TMEM178B: variants seen among roughly 807,000 people sequenced by gnomAD.
TMEM178B encodes the protein transmembrane protein 178B.
A neutral mutation model predicts 31.0 loss-of-function variants in TMEM178B; 5 were observed. The observed-to-expected ratio is 0.16, with a 90% CI of 0.08 to 0.34. The LOEUF is 0.34. Ranked by LOEUF, TMEM178B falls within the 10% of genes least tolerant of loss-of-function variation. The pLI is 1.00. For synonymous variants in TMEM178B, 164 were observed against 164.0 expected (o/e 1.00, Z 0.00); for missense variants, 275 against 400.3 (o/e 0.69, Z 2.67).
At chr7:141,432,188 A>C (rs1415758826) in intron 2 of TMEM178B, among the ~76,000 whole-genome samples, 1 of 104,768 alleles carries the variant, frequency 9.5e-6, no homozygotes, top group Non-Finnish European at 1.7e-5. Context: ...ACGGAGTCTC[A>C]CTGTCGCCCA....
At chr7:141,215,459 G>A (rs1001633542) in intron 2 of TMEM178B, among the ~76,000 whole-genome samples, 5 of 151,930 alleles carry the variant, frequency 3.3e-5, no homozygotes, top group Non-Finnish European at 5.9e-5. Context: ...CTGAGTAGCT[G>A]GGACTACAGG....
chr7:141,384,562 T>C (rs904820137), intron 2 of TMEM178B, among the ~76,000 whole-genome samples: 86 of 152,350 alleles, frequency 5.6e-4, no homozygotes, highest in African/African-American at 2.1e-3. Context: ...TCTGTTCTGT[T>C]CCATTGGTCT....
At chr7:141,424,004 G>T (rs570864813) in intron 2 of TMEM178B, among the ~76,000 whole-genome samples, 2 of 149,958 alleles carry the variant, frequency 1.3e-5, no homozygotes, top group East Asian at 3.9e-4. Flanking sequence ...TTTTAGTAAA[G>T]ATGTGGTTTC....
At chr7:141,491,123 A>G in the TMEM178B span, among the ~76,000 whole-genome samples, 3 of 152,018 alleles carry the variant, frequency 2.0e-5, no homozygotes, top group African/African-American at 7.2e-5. Flanking sequence ...GACCTCCCCA[A>G]CTCAAGAAAT....
At chr7:141,319,730 G>C (rs1462751809) in intron 2 of TMEM178B, among the ~76,000 whole-genome samples, 1 of 152,120 alleles carries the variant, frequency 6.6e-6, no homozygotes, top group Non-Finnish European at 1.5e-5. Context: ...TAGAGACGGG[G>C]TTTCACCATG....
At chr7:141,138,809 T>C (rs1795718701) in intron 1 of TMEM178B, among the ~76,000 whole-genome samples, 1 of 151,450 alleles carries the variant, frequency 6.6e-6, no homozygotes, top group African/African-American at 2.4e-5. Context: ...GGTGAAACCC[T>C]GTCTCTACTA....
At chr7:141,168,677 G>A (rs1796299233) in intron 1 of TMEM178B, among the ~76,000 whole-genome samples, 1 of 152,044 alleles carries the variant, frequency 6.6e-6, no homozygotes, top group Non-Finnish European at 1.5e-5. Context: ...GGCTGAGGCA[G>A]GAGAATCGCT....
At chr7:141,193,379 A>T (rs1796728229) in intron 1 of TMEM178B, among the ~76,000 whole-genome samples, 1 of 152,224 alleles carries the variant, frequency 6.6e-6, no homozygotes, top group South Asian at 2.1e-4. Context: ...GCAAAACCTA[A>T]GGGACCCCTG....
intron 1 of TMEM178B, among the ~76,000 whole-genome samples, chr7:141,158,143 T>C (rs1796104878): frequency 6.6e-6 from 1 of 152,206 alleles, no homozygotes; most frequent in Non-Finnish European, 1.5e-5. Flanking sequence ...TTGCCCAGGC[T>C]GGAGTGCAGT....
intron 2 of TMEM178B, among the ~76,000 whole-genome samples, chr7:141,254,687 C>T (rs1266461518): frequency 6.6e-6 from 1 of 152,160 alleles, no homozygotes; most frequent in Non-Finnish European, 1.5e-5. Context: ...CGCCATTTCA[C>T]TCCAGCCTGG....
At chr7:141,259,587 C>T (rs2116357311) in intron 2 of TMEM178B, among the ~76,000 whole-genome samples, 1 of 152,244 alleles carries the variant, frequency 6.6e-6, no homozygotes, top group South Asian at 2.1e-4. Context: ...TGGGGATTGT[C>T]ACTGTTGCTT....
chr7:141,302,826 C>T (rs566129312), intron 2 of TMEM178B, among the ~76,000 whole-genome samples: 17 of 152,308 alleles, frequency 1.1e-4, no homozygotes, highest in African/African-American at 4.1e-4. Context: ...CTGACAGATG[C>T]CCAGCATTAC....
chr7:141,495,843 A>C, the TMEM178B span, among the ~76,000 whole-genome samples: 6 of 152,248 alleles, frequency 3.9e-5, no homozygotes. Context: ...GGAGACTAGC[A>C]GTTTCCAGAA....
chr7:141,129,142 T>C lies in TMEM178B; in HGVS notation c.382+54450T>C, dbSNP rs28472498. Among the ~76,000 whole-genome samples, 396 of 152,204 alleles carry C rather than the reference T, an allele frequency of 2.6e-3. 1 individual carries two copies. The highest frequency in any genetic ancestry group is 9.0e-3 in the African/African-American group (373 of 41,528). ...TCAGGGATGCCCTTGAGGGTACGGA[T>C]TGTGTTGTGATGTTCATTCGTGTGT... On this transcript the variant is annotated intron_variant, in intron 1 of 3. Transcript: ENST00000565468.
At chr7:141,487,928 C>A in the TMEM178B span, among the ~76,000 whole-genome samples, 1 of 151,972 alleles carries the variant, frequency 6.6e-6, no homozygotes, top group Non-Finnish European at 1.5e-5. Flanking sequence ...GGAGTTAGTT[C>A]TCTTAATCTT....
chr7:141,227,507 G>C (rs971906415), intron 2 of TMEM178B, among the ~76,000 whole-genome samples: 2 of 152,156 alleles, frequency 1.3e-5, no homozygotes, highest in African/African-American at 4.8e-5. Flanking sequence ...TATTATATCT[G>C]TTTGACAGAG....
intron 2 of TMEM178B, among the ~76,000 whole-genome samples, chr7:141,337,995 G>A (rs1296135886): frequency 6.6e-6 from 1 of 152,024 alleles, no homozygotes; most frequent in Admixed American, 6.6e-5. Context: ...CCGTCACCAC[G>A]CCCGGCTAAT....
chr7:141,340,687 A>G (rs530832908), intron 2 of TMEM178B, among the ~76,000 whole-genome samples: 1 of 152,216 alleles, frequency 6.6e-6, no homozygotes, highest in Non-Finnish European at 1.5e-5. Flanking sequence ...CAACAGAAAA[A>G]CACTAAAGTA....
At chr7:141,434,259 C>T (rs1463435306) in intron 2 of TMEM178B, among the ~76,000 whole-genome samples, 1 of 152,208 alleles carries the variant, frequency 6.6e-6, no homozygotes, top group African/African-American at 2.4e-5. Flanking sequence ...ACTTAATTCC[C>T]CCAGGCAGAA....
Sources: allele counts gnomAD v4.1 joint callset (sites outside exome capture counted in the v4.1 genomes callset), GRCh38; gene constraint gnomAD v4.1.1; transcripts MANE v1.5; gene names NCBI Gene and HGNC (gene_info 2026-07-23, HGNC 2026-07-21).